MCU: variants seen among roughly 807,000 people sequenced by gnomAD.
The protein encoded by MCU is calcium uniporter protein, mitochondrial.
In MCU, 12 loss-of-function variants were observed where a neutral mutation model predicts 45.2. That is an observed-to-expected ratio of 0.27 (90% CI 0.17 to 0.43). The LOEUF is 0.43. Ranked by LOEUF, MCU falls within the 20% of genes least tolerant of loss-of-function variation. The probability of loss-of-function intolerance (pLI) is 1.00; values close to 1 mark genes in which losing one functional copy is unlikely to be tolerated. For missense variants in MCU, 324 were observed against 436.7 expected, an observed-to-expected ratio of 0.74 and a Z score of 2.30; for synonymous variants, 160 against 165.1, an observed-to-expected ratio of 0.97 and a Z score of 0.24.
In MCU at chr10:72,826,198, C is replaced by T. The variant is rs561524008; in HGVS notation, c.151-8161C>T. 4.6e-5 allele frequency among the ~76,000 whole-genome samples: 7 copies of T among 152,264 alleles called. No homozygotes were observed. The South Asian group carries it at 1.2e-3, about 27-fold the overall frequency. The stretch of plus-strand genomic sequence containing the variant: ...TTAGAGGTTAGAATCGACATTCTAA[C>T]AAGCTCCCAGGTGATGCTGATGCCC... On this transcript the variant is annotated intron_variant, in intron 1 of 7. Transcript: ENST00000373053.
chr10:72,756,178 G>A (rs570221362), intron 1 of MCU, among the ~76,000 whole-genome samples: 1 of 152,146 alleles, frequency 6.6e-6, no homozygotes, highest in East Asian at 1.9e-4. Flanking sequence ...TTAGATACAG[G>A]GTTTTGCTGT....
intron 2 of MCU, among the ~76,000 whole-genome samples, chr10:72,843,829 GT>G (rs35853269): frequency 0.53 from 80,303 of 151,868 alleles, 23,052 homozygotes; most frequent in Non-Finnish European, 0.67. Context: ...TTTTCCCCTT[GT>G]TTAAACTCAG....
intron 1 of MCU, among the ~76,000 whole-genome samples, chr10:72,753,430 T>G (rs1043183175): frequency 4.6e-5 from 7 of 152,186 alleles, no homozygotes; most frequent in Non-Finnish European, 8.8e-5. Context: ...CATTCAACAT[T>G]CCCAGAAATG....
chr10:72,866,527 G>T lies in MCU; in HGVS notation c.497-2176G>T, dbSNP rs533265562. Among the ~76,000 whole-genome samples the T allele has an allele frequency of 9.2e-5, 14 of 152,238 alleles. No homozygotes were observed. In the South Asian group the frequency reaches 2.9e-3, roughly 32 times the overall value. On this transcript the variant is annotated intron_variant, in intron 4 of 7. Transcript: ENST00000373053. ...GTCTCCAGCCTCAGCCTCCCCAGTAGCTGGGATTACAGGCATGCACCACCA... is the reference window on the plus strand; with the variant it reads ...GTCTCCAGCCTCAGCCTCCCCAGTATCTGGGATTACAGGCATGCACCACCA...
At chr10:72,766,947 C>G (rs528666843) in intron 1 of MCU, 1 of 152,056 alleles carries the variant, frequency 6.6e-6, no homozygotes, top group Non-Finnish European at 1.5e-5. Context: ...TTTTTAAAAT[C>G]AACTTTAACG....
intron 1 of MCU, among the ~76,000 whole-genome samples, chr10:72,757,329 G>C (rs1159576759): frequency 6.6e-6 from 1 of 152,114 alleles, no homozygotes; most frequent in African/African-American, 2.4e-5. Flanking sequence ...ATTGTATAAG[G>C]AGTACAAACA....
At chr10:72,728,726 T>A (rs1036593301) in intron 1 of MCU, among the ~76,000 whole-genome samples, 4 of 152,128 alleles carry the variant, frequency 2.6e-5, no homozygotes, top group Non-Finnish European at 5.9e-5. Context: ...TTTAACATAG[T>A]TTGAGGACAC....
At chr10:72,861,483 G>A (rs2132871703) in intron 4 of MCU, among the ~76,000 whole-genome samples, 1 of 151,794 alleles carries the variant, frequency 6.6e-6, no homozygotes, top group African/African-American at 2.4e-5. Flanking sequence ...CTGGAGCCCA[G>A]TGACATGACA....
At chr10:72,725,691 G>GT (rs1554820438) in intron 1 of MCU, among the ~76,000 whole-genome samples, 1 of 152,168 alleles carries the variant, frequency 6.6e-6, no homozygotes, top group African/African-American at 2.4e-5. Context: ...TTCGAGACCA[G>GT]CTGACCAACA....
At chr10:72,819,161 A>AT (rs1844671616) in intron 1 of MCU, among the ~76,000 whole-genome samples, 1 of 152,150 alleles carries the variant, frequency 6.6e-6, no homozygotes, top group Admixed American at 6.5e-5. Context: ...GCAGAGAGGG[A>AT]TTTAGTTCAA....
intron 1 of MCU, among the ~76,000 whole-genome samples, chr10:72,695,513 G>A (rs1589420280): frequency 6.6e-6 from 1 of 152,054 alleles, no homozygotes; most frequent in African/African-American, 2.4e-5. Context: ...TGGATTTTTT[G>A]TAGCTGAATT....
chr10:72,819,148 A>G (rs1017856192), intron 1 of MCU, among the ~76,000 whole-genome samples: 2 of 152,208 alleles, frequency 1.3e-5, no homozygotes, highest in African/African-American at 4.8e-5. Context: ...CTAAAAATCA[A>G]TAGCAGAGAG....
At chr10:72,741,830 C>T (rs1001251358) in intron 1 of MCU, among the ~76,000 whole-genome samples, 4 of 151,982 alleles carry the variant, frequency 2.6e-5, no homozygotes, top group African/African-American at 9.7e-5. Flanking sequence ...AGATCGAGAC[C>T]ATCCTGGCTA....
intron 1 of MCU, among the ~76,000 whole-genome samples, chr10:72,816,309 A>G (rs1278704117): frequency 2.0e-5 from 3 of 152,330 alleles, no homozygotes; most frequent in East Asian, 3.9e-4. Context: ...TATTTTTTAA[A>G]TAATACGTAG....
chr10:72,867,766 A>G (rs1276379487), intron 4 of MCU, among the ~76,000 whole-genome samples: 1 of 151,630 alleles, frequency 6.6e-6, no homozygotes, highest in Non-Finnish European at 1.5e-5. Flanking sequence ...GAGGCAGGAA[A>G]ATGGTGTGAA....
chr10:72,856,593 T>C (rs993643949), intron 2 of MCU, among the ~76,000 whole-genome samples: 2 of 151,988 alleles, frequency 1.3e-5, no homozygotes, highest in Admixed American at 6.6e-5. Context: ...TATAAATCCT[T>C]AGAAGCATAA....
At chr10:72,773,983 C>T (rs1043878456) in intron 1 of MCU, among the ~76,000 whole-genome samples, 5 of 152,152 alleles carry the variant, frequency 3.3e-5, no homozygotes, top group African/African-American at 1.2e-4. Flanking sequence ...GGGAATTCTT[C>T]AATCTGAAAG....
chr10:72,862,230 C>T (rs1845389741), intron 4 of MCU, among the ~76,000 whole-genome samples: 1 of 152,138 alleles, frequency 6.6e-6, no homozygotes, highest in African/African-American at 2.4e-5. Flanking sequence ...ATCTGCCCGC[C>T]TCGGCCTCCC....
chr10:72,695,442 A>G (rs1044417096), intron 1 of MCU, among the ~76,000 whole-genome samples: 1 of 152,160 alleles, frequency 6.6e-6, no homozygotes, highest in Non-Finnish European at 1.5e-5. Flanking sequence ...TCCCAGCACA[A>G]ATACTCTGTT....
Sources: allele counts gnomAD v4.1 joint callset (sites outside exome capture counted in the v4.1 genomes callset), GRCh38; gene constraint gnomAD v4.1.1; transcripts MANE v1.5; gene names NCBI Gene and HGNC (gene_info 2026-07-23, HGNC 2026-07-21).